The following NKX2-2 variants were observed in gnomAD, a reference collection of about 807,000 sequenced individuals.
NKX2-2 encodes the protein homeobox protein Nkx-2.2.
Under a neutral mutation model 24.6 loss-of-function variants are expected in NKX2-2, and 8 were observed. The observed-to-expected ratio is 0.32, with a 90% CI of 0.19 to 0.59. The LOEUF (loss-of-function observed/expected upper bound fraction) is 0.59. NKX2-2 is among the 20% of genes least tolerant of loss of function. The pLI is 0.86. For synonymous variants in NKX2-2, 217 were observed against 173.3 expected, an observed-to-expected ratio of 1.25 and a Z score of -1.98; for missense variants, 381 against 373.9, an observed-to-expected ratio of 1.02 and a Z score of -0.16.
upstream of NKX2-2, among the ~76,000 whole-genome samples, chr20:21,515,244 G>A (rs1422985174): frequency 2.0e-5 from 3 of 151,978 alleles, no homozygotes; most frequent in Admixed American, 6.6e-5. Flanking sequence ...TGGAGCAGCG[G>A]GAAGGCGGCG....
At chr20:21,520,688 C>A in the NKX2-2 span, among the ~76,000 whole-genome samples, 38 of 152,168 alleles carry the variant, frequency 2.5e-4, no homozygotes, top group African/African-American at 7.7e-4. Context: ...CCTGTCCCAG[C>A]CAATCCATTA....
upstream of NKX2-2, among the ~76,000 whole-genome samples, chr20:21,516,720 C>A (rs1980649831): frequency 6.6e-6 from 1 of 152,072 alleles, no homozygotes; most frequent in South Asian, 2.1e-4. Context: ...GGTTGGGGAC[C>A]CAGAATAGGA....
chr20:21,520,675 G>A, the NKX2-2 span, among the ~76,000 whole-genome samples: 119 of 152,174 alleles, frequency 7.8e-4, no homozygotes, highest in African/African-American at 2.5e-3. Flanking sequence ...CGGGCCAAAC[G>A]AGCCTGTCCC....
At chr20:21,516,524 C>G (rs1417001209), upstream of NKX2-2, among the ~76,000 whole-genome samples, 1 of 151,914 alleles carries the variant, frequency 6.6e-6, no homozygotes. Flanking sequence ...GGGGAAGCGT[C>G]GAGTTTGGAT....
rs1313756036 is a variant in NKX2-2, at chr20:21,512,426, AGGG to A, written c.316_318del (p.Pro106del). 6.3e-7 allele frequency: 1 copy of A among 1,592,542 alleles called. No individual in the cohort carries two copies. The highest frequency in any genetic ancestry group is 8.5e-7 in the Non-Finnish European group (1 of 1,175,224). ...TCATTGTCCGGTGACTCGTCGGCCG[AGGG>A]CTCCGGGGACTTGGAGCTTGAGTCC... On this transcript the variant is annotated inframe_deletion, in exon 2 of 2. Coordinates refer to ENST00000377142, the MANE Select transcript of NKX2-2 (RefSeq NM_002509.4).
intron 1 of NKX2-2, 50 bp from the exon 2 acceptor site, chr20:21,512,535 C>T: frequency 7.4e-7 from 1 of 1,352,562 alleles, no homozygotes; most frequent in Non-Finnish European, 9.9e-7. Context: ...AGGCCGCGCG[C>T]AGCCTGCACC....
Position 21,513,485 on chromosome 20 carries a change from T to C in NKX2-2, c.185A>G (p.Lys62Arg), listed in dbSNP as rs1980517017. The change falls in exon 1 of 2, where the codon AAG becomes AGG. Residue 62 changes from lysine (K) to arginine (R), a missense_variant. Coordinates refer to ENST00000377142, the MANE Select transcript of NKX2-2 (RefSeq NM_002509.4). This position sits in a 1 kb window ranked among gnomAD's most constrained non-coding sequence, Gnocchi z 4.6. The part of the protein sequence containing the change: ...ALDAVQSLPL[K>R]NPFYDSSDNP... Reference sequence around the variant, plus strand: ...GTCGCTGCTGTCGTAGAAGGGGTTCTTCAGGGGCAGGCTCTGCACCGCGTC... The same window carrying C: ...GTCGCTGCTGTCGTAGAAGGGGTTCCTCAGGGGCAGGCTCTGCACCGCGTC... The C allele has an allele frequency of 6.2e-7, 1 of 1,610,720 alleles. No individual in the cohort carries two copies. Among genetic ancestry groups the C allele is most frequent in the African/African-American group, 1.3e-5 (1 of 74,726 alleles).
In NKX2-2 at chr20:21,513,469, G is replaced by A. The variant is rs781315430; in HGVS notation, c.201C>T (p.Asp67=). Residue 67 remains aspartate (D), a synonymous_variant, in exon 1 of 2, where the codon GAC becomes GAT. Transcript: ENST00000377142. The surrounding 1 kb of genome is among the most constrained non-coding windows in gnomAD (Gnocchi z 4.6). ...AGCGCGTGTACGGGTTGTCGCTGCT[G>A]TCGTAGAAGGGGTTCTTCAGGGGCA... ...QSLPLKNPFY[D]SSDNPYTRWL... 12 of 1,608,152 alleles carry A rather than the reference G, an allele frequency of 7.5e-6. No individual in the cohort carries two copies. Among genetic ancestry groups the A allele is most frequent in the Non-Finnish European group, 6.8e-6 (8 of 1,177,456 alleles).
chr20:21,515,605 G>C (rs990847570), upstream of NKX2-2, among the ~76,000 whole-genome samples: 22 of 151,898 alleles, frequency 1.4e-4, no homozygotes, highest in African/African-American at 4.8e-4. Context: ...TTTGGGGGGG[G>C]GGTGCAGGGG....
upstream of NKX2-2, among the ~76,000 whole-genome samples, chr20:21,516,620 G>A (rs938007530): frequency 1.3e-5 from 2 of 152,106 alleles, no homozygotes; most frequent in African/African-American, 4.8e-5. Context: ...CTCAACCCAA[G>A]CGTTGCAGCA....
upstream of NKX2-2, among the ~76,000 whole-genome samples, chr20:21,515,716 C>T (rs1044886113): frequency 2.0e-5 from 3 of 152,110 alleles, no homozygotes; most frequent in Non-Finnish European, 4.4e-5. Flanking sequence ...CTGCGGGGTC[C>T]AGGTCTAGTC....
Position 21,513,678 on chromosome 20 carries a change from A to G in NKX2-2, c.-9T>C. 7.2e-7 allele frequency: 1 copy of G among 1,381,732 alleles called. No individual in the cohort carries two copies. 85.6% of individuals were successfully genotyped at this position (1,381,732 alleles called of 1,614,324 possible). The stretch of plus-strand genomic sequence containing the variant: ...GTGTTGGTCAGCGACATGGTTCGAG[A>G]CCCCAAAATTTATGTCGCAAAGTTG... On this transcript the variant is annotated 5_prime_UTR_variant, in exon 1 of 2. Transcript: ENST00000377142. The surrounding 1 kb of genome is among the most constrained non-coding windows in gnomAD (Gnocchi z 4.6).
In NKX2-2 at chr20:21,513,809, A is replaced by G. The variant is rs1198705548; in HGVS notation, c.-140T>C. On this transcript the variant is annotated 5_prime_UTR_variant, in exon 1 of 2. Transcript: ENST00000377142. This position sits in a 1 kb window ranked among gnomAD's most constrained non-coding sequence, Gnocchi z 4.6. ...GGGGAGGGGGGAATTGGCTTTAATT[A>G]TTGGGATAATTATTATTTTTAAAAA... 5.6e-6 allele frequency: 3 copies of G among 537,124 alleles called. No homozygotes were observed. The African/African-American group carries it at 6.0e-5, about 11-fold the overall frequency. The allele number at this position is 537,124 out of a possible 1,614,324, so 33.3% of individuals were successfully genotyped here. A position where few individuals can be genotyped will look rare whatever the true frequency, so the allele number is the denominator to read the frequency against.
At chr20:21,517,468 G>A (rs748938277), upstream of NKX2-2, among the ~76,000 whole-genome samples, 6 of 152,212 alleles carry the variant, frequency 3.9e-5, no homozygotes, top group African/African-American at 1.4e-4. Flanking sequence ...CGTCCGTGTG[G>A]TTCCCGCGTC....
In NKX2-2 at chr20:21,512,385, G is replaced by T. The variant is rs749057448; in HGVS notation, c.360C>A (p.Gly120=). 20 of 1,601,554 alleles carry T rather than the reference G, an allele frequency of 1.2e-5. No individual in the cohort carries two copies. The highest frequency in any genetic ancestry group is 1.6e-5 in the Non-Finnish European group (19 of 1,175,858). Residue 120 remains glycine, a synonymous_variant, in exon 2 of 2, where the codon GGC becomes GGA. Coordinates refer to ENST00000377142, the MANE Select transcript of NKX2-2 (RefSeq NM_002509.4). Reference sequence around the variant, plus strand: ...GCTTCTTGCCGGCGTCCCCCCCGCCGCCCGGGGTCTCCTTGTCATTGTCCG... The same window carrying T: ...GCTTCTTGCCGGCGTCCCCCCCGCCTCCCGGGGTCTCCTTGTCATTGTCCG... ...ESPDNDKETP[G]GGGDAGKKRK... is the part of the protein sequence containing the mutation.
At position 21,513,778 on chromosome 20, in the gene NKX2-2, G is replaced by A. The variant is rs1340791974; in HGVS notation, c.-109C>T. On this transcript the variant is annotated 5_prime_UTR_variant, in exon 1 of 2. Coordinates refer to ENST00000377142, the MANE Select transcript of NKX2-2 (RefSeq NM_002509.4). The surrounding 1 kb of genome is among the most constrained non-coding windows in gnomAD (Gnocchi z 4.6). ...GAGGGGGGAGTTGGGGGGAGGGACT[G>A]GGGGAGGGGAGGGGGGAATTGGCTT... 1.3e-5 allele frequency: 7 copies of A among 540,378 alleles called. No individual in the cohort carries two copies. The highest frequency in any genetic ancestry group is 1.0e-4 in the South Asian group (3 of 29,848). The allele number at this position is 540,378 out of a possible 1,614,324, so 33.5% of individuals were successfully genotyped here.
the NKX2-2 span, among the ~76,000 whole-genome samples, chr20:21,520,917 A>T: frequency 6.6e-6 from 1 of 152,262 alleles, no homozygotes; most frequent in South Asian, 2.1e-4. Flanking sequence ...CGCTGAAAGC[A>T]CTCTCTTATC....
chr20:21,512,331 C>A lies in NKX2-2; in HGVS notation c.414G>T (p.Ala138=), dbSNP rs1487597565. ...AGCGCCGCTCCAGCTCGTAGGTCTG[C>A]GCCTTGGAGAAAAGCACTCGCCGCT... The part of the protein sequence containing the change: ...KRKRRVLFSK[A]QTYELERRFR... Residue 138 remains alanine, a synonymous_variant, in exon 2 of 2, where the codon GCG becomes GCT. Transcript: ENST00000377142. The A allele has an allele frequency of 1.2e-6, 2 of 1,612,824 alleles. No individual in the cohort carries two copies. The highest frequency in any genetic ancestry group is 1.1e-5 in the South Asian group (1 of 90,988).
Position 21,512,438 on chromosome 20 carries a change from A to T in NKX2-2, c.307T>A (p.Ser103Thr). 1 of 1,589,598 alleles carries T rather than the reference A, an allele frequency of 6.3e-7. No individual in the cohort carries two copies. Among genetic ancestry groups the T allele is most frequent in the Non-Finnish European group, 8.5e-7 (1 of 1,174,896 alleles). ...GAPPQDSSSKSPEPSADESPD... is the reference protein window; with the variant it reads ...GAPPQDSSSKTPEPSADESPD... ...GACTCGTCGGCCGAGGGCTCCGGGG[A>T]CTTGGAGCTTGAGTCCTGAGGGGGC... The change falls in exon 2 of 2, where the codon TCC becomes ACC. Residue 103 changes from serine (S) to threonine (T), a missense_variant. Physicochemically the swap from Ser to Thr is moderately conservative, Grantham distance 58. Around this residue, in one of 3 missense-constraint regions of NKX2-2, gnomAD observed 206 missense variants for 173.1 expected, o/e 1.19. Transcript: ENST00000377142.
Sources: gnomAD v4.1 joint callset for allele counts (sites outside exome capture counted in the v4.1 genomes callset) on GRCh38, gnomAD v4.1.1 for gene constraint, gnomAD v4.1.1 regional missense constraint, Gnocchi (gnomAD v3.1) non-coding constraint, MANE v1.5 for transcripts, NCBI Gene and HGNC (gene_info 2026-07-23, HGNC 2026-07-21) for gene names.